Variants in PPIL2 observed in about 807,000 individuals in gnomAD.
The protein encoded by PPIL2 is RING-type E3 ubiquitin-protein ligase PPIL2.
In PPIL2, 50 loss-of-function variants were observed where a neutral mutation model predicts 75.2. The observed-to-expected ratio is 0.66, with a 90% CI of 0.53 to 0.84. PPIL2 has a LOEUF of 0.84. Among genes scored for constraint, PPIL2 ranks in the 40% least tolerant of loss-of-function variants. PPIL2 has a pLI of 0.00. For missense variants in PPIL2, 590 were observed against 685.0 expected, an observed-to-expected ratio of 0.86 and a Z score of 1.55; for synonymous variants, 245 against 258.8, an observed-to-expected ratio of 0.95 and a Z score of 0.51.
intron 15 of PPIL2, among the ~76,000 whole-genome samples, chr22:21,690,683 C>G (rs1262936549): frequency 2.0e-5 from 3 of 152,148 alleles, no homozygotes; most frequent in African/African-American, 7.2e-5. Flanking sequence ...TTCCTCCTTC[C>G]TCACTTTAAT....
chr22:21,687,617 A>C (rs1265113713), intron 12 of PPIL2, 26 bp from the exon 13 acceptor site: 1 of 1,560,282 alleles, frequency 6.4e-7, no homozygotes, highest in Non-Finnish European at 8.8e-7. Flanking sequence ...TCTCTGCTTC[A>C]TACAAGTATT....
In PPIL2 at chr22:21,695,665, C is replaced by G; in HGVS notation, c.*175C>G. 2.1e-6 allele frequency: 3 copies of G among 1,419,976 alleles called. No homozygotes were observed. The highest frequency in any genetic ancestry group is 1.8e-6 in the Non-Finnish European group (2 of 1,087,050). The allele number at this position is 1,419,976 out of a possible 1,614,324, so 88.0% of individuals were successfully genotyped here. A position where few individuals can be genotyped will look rare whatever the true frequency, so the allele number is the denominator to read the frequency against. The stretch of plus-strand genomic sequence containing the variant: ...GCCCACAGCCTTCCCATCCCTTAAC[C>G]TGTTGCCAAGGGCCTTGGCCCTGTT... On this transcript the variant is annotated 3_prime_UTR_variant, in exon 20 of 20. Transcript: ENST00000398831.
rs562752118 is a variant in PPIL2 at position 21,686,969 on chromosome 22, G to A, written c.868G>A (p.Asp290Asn). 8 of 1,612,788 alleles carry A rather than the reference G, an allele frequency of 5.0e-6. No homozygotes were observed. The highest frequency in any genetic ancestry group is 5.9e-6 in the Non-Finnish European group (7 of 1,179,646). Residue 290 changes from aspartate to asparagine, a missense_variant, in exon 12 of 20, where the codon GAC (aspartate) becomes AAC (asparagine). Transcript: ENST00000398831. ...CGTGCGGCTGCACACCAACAAGGGCGACCTCAACCTGGAGCTGCACTGCGA... is the reference window on the plus strand; with the variant it reads ...CGTGCGGCTGCACACCAACAAGGGCAACCTCAACCTGGAGCTGCACTGCGA... ...GYVRLHTNKG[D>N]LNLELHCDLT...
intron 4 of PPIL2, among the ~76,000 whole-genome samples, chr22:21,671,449 A>C (rs1164729716): frequency 6.6e-6 from 1 of 152,224 alleles, no homozygotes; most frequent in Non-Finnish European, 1.5e-5. Flanking sequence ...TTGAGATAAC[A>C]CTGTGAACAC....
At chr22:21,690,252 C>T (rs1054669409) in intron 15 of PPIL2, among the ~76,000 whole-genome samples, 7 of 151,948 alleles carry the variant, frequency 4.6e-5, no homozygotes, top group African/African-American at 1.2e-4. Context: ...GGCATGGTGG[C>T]GTGCGCCTGT....
At chr22:21,670,140 C>T (rs1174773457) in intron 2 of PPIL2, 178 bp downstream of exon 2, 19 of 874,596 alleles carry the variant, frequency 2.2e-5, no homozygotes, top group Non-Finnish European at 3.3e-5. Context: ...CCTGCTTCAT[C>T]TTAGTGGTGA....
Position 21,688,739 on chromosome 22 carries a change from G to C in PPIL2, c.1029G>C (p.Glu343Asp), listed in dbSNP as rs760908265. 6.2e-7 allele frequency: 1 copy of C among 1,614,192 alleles called. No homozygotes were observed. Among genetic ancestry groups the C allele is most frequent in the Non-Finnish European group, 8.5e-7 (1 of 1,180,014 alleles). ...GDPTGTGTGGESYWGKPFKDE... is the reference protein window; with the variant it reads ...GDPTGTGTGGDSYWGKPFKDE... Reference sequence around the variant, plus strand: ...TGGGCCTTTCTCTTCCAGGTGGGGAGTCATACTGGGGGAAGCCCTTCAAAG... The same window carrying C: ...TGGGCCTTTCTCTTCCAGGTGGGGACTCATACTGGGGGAAGCCCTTCAAAG... The change falls in exon 15 of 20, where the codon GAG becomes GAC. Residue 343 changes from glutamate (E) to aspartate (D), a missense_variant. Glu to Asp is a conservative substitution (Grantham distance 45, BLOSUM62 2). Transcript: ENST00000398831.
rs558432829 is a variant in PPIL2, at chr22:21,689,317, C to T, written c.1139+468C>T. Among the ~76,000 whole-genome samples the T allele has an allele frequency of 8.5e-5, 13 of 152,316 alleles. No homozygotes were observed. In the South Asian group the frequency reaches 1.7e-3, roughly 19 times the overall value. On this transcript the variant is annotated intron_variant, in intron 15 of 19. Transcript: ENST00000398831. ...CCAGCAGGGCCATGCACACAGGGGC[C>T]GGATGCCTGTATTGTGGAAGAACAG...
intron 4 of PPIL2, among the ~76,000 whole-genome samples, chr22:21,671,600 G>T (rs1407417078): frequency 6.6e-6 from 1 of 151,906 alleles, no homozygotes; most frequent in Non-Finnish European, 1.5e-5. Flanking sequence ...TTGAGACAGG[G>T]TCTCACTATG....
At chr22:21,676,419 T>C (rs1021088875) in intron 6 of PPIL2, among the ~76,000 whole-genome samples, 4 of 151,554 alleles carry the variant, frequency 2.6e-5, no homozygotes, top group Non-Finnish European at 4.4e-5. Context: ...GAGGGGGATT[T>C]GGCAGGGTCA....
At chr22:21,667,112 A>C in intron 1 of PPIL2, among the ~76,000 whole-genome samples, 1 of 135,006 alleles carries the variant, frequency 7.4e-6, no homozygotes. Flanking sequence ...GTTCCCAGCG[A>C]CTTCTTGTTG....
Position 21,697,005 on chromosome 22 carries a change from C to G in PPIL2, c.*1515C>G. 1 of 1,545,820 alleles carries G rather than the reference C, an allele frequency of 6.5e-7. No individual in the cohort carries two copies. The highest frequency in any genetic ancestry group is 2.0e-5 in the Admixed American group (1 of 51,046). The stretch of plus-strand genomic sequence containing the variant: ...ATGGCTGGCTCCTTCTCTTCTCCAG[C>G]CCATCCCTCTGCAGCCTGTCATCCC... On this transcript the variant is annotated 3_prime_UTR_variant, in exon 20 of 20. Coordinates refer to ENST00000398831, the MANE Select transcript of PPIL2 (RefSeq NM_014337.4).
chr22:21,674,792 AAC>A (rs1260582765), intron 5 of PPIL2, among the ~76,000 whole-genome samples: 1 of 152,240 alleles, frequency 6.6e-6, no homozygotes, highest in African/African-American at 2.4e-5. Flanking sequence ...GCAGAAGTAT[AAC>A]ACACACCACC....
At chr22:21,687,563 A>AG in intron 12 of PPIL2, 80 bp from the exon 13 acceptor site, 1 of 834,506 alleles carries the variant, frequency 1.2e-6, no homozygotes, top group East Asian at 3.5e-5. Context: ...AAAAAAAAAA[A>AG]AAAAAAAAGC....
chr22:21,687,039 T>C, intron 12 of PPIL2, 41 bp downstream of exon 12: 1 of 1,544,942 alleles, frequency 6.5e-7, no homozygotes, highest in Non-Finnish European at 8.9e-7. Context: ...CCCAAGGTCA[T>C]CTCTGGGTCA....
chr22:21,696,218 C>A lies in PPIL2; in HGVS notation c.*728C>A, dbSNP rs2067922921. The A allele has an allele frequency of 1.0e-6, 1 of 1,004,608 alleles. No individual in the cohort carries two copies. The highest frequency in any genetic ancestry group is 1.0e-4 in the East Asian group (1 of 9,802). The allele number at this position is 1,004,608 out of a possible 1,614,324, so 62.2% of individuals were successfully genotyped here. A position where few individuals can be genotyped will look rare whatever the true frequency, so the allele number is the denominator to read the frequency against. ...GCATTGAGTTTCCTGCCGTGCCCTG[C>A]CTGAGCTCTCAGGGCCCTGCTCACC... On this transcript the variant is annotated 3_prime_UTR_variant, in exon 20 of 20. Coordinates refer to ENST00000398831, the MANE Select transcript of PPIL2 (RefSeq NM_014337.4).
At chr22:21,674,017 C>G (rs2066735405) in intron 5 of PPIL2, among the ~76,000 whole-genome samples, 1 of 152,190 alleles carries the variant, frequency 6.6e-6, no homozygotes, top group South Asian at 2.1e-4. Context: ...GTTGGGTTGG[C>G]CAGCAGCAGG....
intron 18 of PPIL2, 53 bp downstream of exon 18, chr22:21,694,870 C>T: frequency 3.1e-6 from 5 of 1,590,310 alleles, no homozygotes; most frequent in Non-Finnish European, 4.3e-6. Flanking sequence ...TGCACTTTTC[C>T]ACCCCAAGCC....
intron 1 of PPIL2, 68 bp downstream of exon 1, chr22:21,666,199 C>A: frequency 6.6e-7 from 1 of 1,517,468 alleles, no homozygotes; most frequent in Non-Finnish European, 9.0e-7. Flanking sequence ...CCGCACTGCG[C>A]GCCGCTCGCC....
Sources: allele counts gnomAD v4.1 joint callset (sites outside exome capture counted in the v4.1 genomes callset), GRCh38; gene constraint gnomAD v4.1.1; transcripts MANE v1.5; gene names NCBI Gene and HGNC (gene_info 2026-07-23, HGNC 2026-07-21).